Variants in CPS1 observed in about 807,000 individuals in gnomAD.
CPS1 encodes carbamoyl-phosphate synthase 1, also known as carbamoyl-phosphate synthase [ammonia], mitochondrial.
In CPS1, 109 loss-of-function variants were observed where a neutral mutation model predicts 174.6. The ratio of observed to expected loss-of-function variants is 0.62; its 90% CI spans 0.53 to 0.73. CPS1 has a LOEUF of 0.73. CPS1 is among the 30% of genes least tolerant of loss of function. The pLI is 0.00. For synonymous variants in CPS1, 637 were observed against 632.0 expected (o/e 1.01, Z -0.12); for missense variants, 1,689 against 1,821.9 (o/e 0.93, Z 1.33).
intron 1 of CPS1, among the ~76,000 whole-genome samples, chr2:210,518,886 C>T (rs1371636075): frequency 6.6e-6 from 1 of 151,984 alleles, no homozygotes; most frequent in East Asian, 1.9e-4. Context: ...TTACCAAATT[C>T]AGCTCATTAT....
Position 210,678,489 on chromosome 2 carries a change from A to T in CPS1, c.*504A>T, listed in dbSNP as rs1259740792. On this transcript the variant is annotated 3_prime_UTR_variant, in exon 38 of 38. Coordinates refer to ENST00000233072, the MANE Select transcript of CPS1 (RefSeq NM_001875.5). ...GTGTATTGCTTCTTTTTGGATCCTC[A>T]TTCTCACCCATTTGGCTAATCCAGG... 2 of 172,296 alleles carry T rather than the reference A, an allele frequency of 1.2e-5. No homozygotes were observed. Among genetic ancestry groups the T allele is most frequent in the African/African-American group, 4.8e-5 (2 of 41,592 alleles). 10.7% of individuals were successfully genotyped at this position (172,296 alleles called of 1,614,324 possible). A position where few individuals can be genotyped will look rare whatever the true frequency, so the allele number is the denominator to read the frequency against.
intron 1 of CPS1, among the ~76,000 whole-genome samples, chr2:210,497,474 G>T (rs1695019295): frequency 6.6e-6 from 1 of 151,974 alleles, no homozygotes; most frequent in African/African-American, 2.4e-5. Context: ...CGAGGTTTGG[G>T]ATACAAATGA....
At chr2:210,601,171 A>G (rs1473439132) in intron 15 of CPS1, among the ~76,000 whole-genome samples, 21 of 151,946 alleles carry the variant, frequency 1.4e-4, no homozygotes, top group Admixed American at 1.4e-3. Flanking sequence ...GAAAACCTGT[A>G]GTTTAGATAT....
At chr2:210,648,844 A>T (rs897891651) in intron 27 of CPS1, among the ~76,000 whole-genome samples, 2 of 152,188 alleles carry the variant, frequency 1.3e-5, no homozygotes, top group African/African-American at 2.4e-5. Flanking sequence ...AAGACACACA[A>T]ATTGAGGTAT....
At chr2:210,580,858 CA>C (rs369186272) in intron 5 of CPS1, among the ~76,000 whole-genome samples, 3,047 of 95,244 alleles carry the variant, frequency 0.032, 72 homozygotes, top group African/African-American at 0.091. Flanking sequence ...GACCCTGTCT[CA>C]AAAAAAAAAA....
At position 210,606,839 on chromosome 2, in the gene CPS1, G is replaced by A; in HGVS notation, c.2090G>A (p.Cys697Tyr). Residue 697 changes from cysteine (C) to tyrosine (Y), a missense_variant, in exon 18 of 38, where the codon TGC becomes TAC. By Grantham distance (194) the Cys-to-Tyr change is radical (BLOSUM62 -2). Transcript: ENST00000233072. Reference protein sequence around the residue: ...VVRHLGIVGECNIQFALHPTS... With the variant: ...VVRHLGIVGEYNIQFALHPTS... The stretch of plus-strand genomic sequence containing the variant: ...CGCCACTTGGGCATTGTGGGTGAAT[G>A]CAACATTCAGTTTGCCCTTCATCCT... 2 of 1,612,630 alleles carry A rather than the reference G, an allele frequency of 1.2e-6. No homozygotes were observed. The highest frequency in any genetic ancestry group is 2.2e-5 in the East Asian group (1 of 44,800).
At chr2:210,480,404 AC>A (rs2105939411) in intron 1 of CPS1, among the ~76,000 whole-genome samples, 1 of 152,342 alleles carries the variant, frequency 6.6e-6, no homozygotes, top group Non-Finnish European at 1.5e-5. Context: ...ACTTTGGTGG[AC>A]AGTTAATGTC....
Position 210,634,669 on chromosome 2 carries a change from A to G in CPS1, c.2688-3033A>G, listed in dbSNP as rs558505554. Among the ~76,000 whole-genome samples, 240 of 152,260 alleles carry G rather than the reference A, an allele frequency of 1.6e-3. 1 individual carries two copies. The highest frequency in any genetic ancestry group is 5.2e-3 in the African/African-American group (216 of 41,540). On this transcript the variant is annotated intron_variant, in intron 21 of 37. Coordinates refer to ENST00000233072, the MANE Select transcript of CPS1 (RefSeq NM_001875.5). ...GCACCTCTCATGATGTAGACATATC[A>G]TTGGCTATTTGTGCTTCCTAACATA...
At chr2:210,656,667 G>A in intron 30 of CPS1, 35 bp downstream of exon 30, 4 of 1,454,814 alleles carry the variant, frequency 2.7e-6, no homozygotes, top group Non-Finnish European at 2.9e-6. Flanking sequence ...AAGGGAAAAG[G>A]CAACACTCAG....
At chr2:210,595,462 AGT>A in intron 12 of CPS1, 23 bp from the exon 13 acceptor site, 2 of 1,497,928 alleles carry the variant, frequency 1.3e-6, no homozygotes, top group Non-Finnish European at 1.9e-6. Context: ...CAGTAATAAC[AGT>A]GTCTTTTTCT....
Position 210,642,529 on chromosome 2 carries a change from C to A in CPS1, c.3005C>A (p.Thr1002Lys). The A allele has an allele frequency of 6.2e-7, 1 of 1,613,974 alleles. No homozygotes were observed. Among genetic ancestry groups the A allele is most frequent in the Non-Finnish European group, 8.5e-7 (1 of 1,179,890 alleles). ...FDWCAVSSIR[T>K]LRQLGKKTVV... ...TGGTGTGCTGTCTCTAGTATCCGCA[C>A]ACTGCGTCAACTTGGCAAGAAGACG... is the stretch of plus-strand genomic sequence containing the variant. The change falls in exon 25 of 38, where the codon ACA becomes AAA. Residue 1002 changes from threonine (T) to lysine (K), a missense_variant. Thr to Lys is a moderately conservative substitution (Grantham distance 78, BLOSUM62 -1). Coordinates refer to ENST00000233072, the MANE Select transcript of CPS1 (RefSeq NM_001875.5).
In CPS1 at chr2:210,582,652, G is replaced by T; in HGVS notation, c.564G>T (p.Gln188His). ...TTGGGAAGATTGAATTTGAAGGTCA[G>T]CCTGTGGATTTTGTGGATCCAAATA... is the stretch of plus-strand genomic sequence containing the variant. Reference protein sequence around the residue: ...TMLGKIEFEGQPVDFVDPNKQ... With the variant: ...TMLGKIEFEGHPVDFVDPNKQ... The change falls in exon 6 of 38, where the codon CAG becomes CAT. Residue 188 changes from glutamine to histidine, a missense_variant. Transcript: ENST00000233072. The T allele has an allele frequency of 6.2e-7, 1 of 1,613,420 alleles. No individual in the cohort carries two copies. The highest frequency in any genetic ancestry group is 8.5e-7 in the Non-Finnish European group (1 of 1,179,574).
intron 33 of CPS1, among the ~76,000 whole-genome samples, chr2:210,665,472 C>T (rs369621188): frequency 7.9e-6 from 1 of 127,110 alleles, no homozygotes; most frequent in African/African-American, 2.9e-5. Flanking sequence ...CTATCCCTCC[C>T]CCCTCCCCCC....
At chr2:210,479,240 C>T (rs1694495155) in intron 1 of CPS1, among the ~76,000 whole-genome samples, 1 of 152,040 alleles carries the variant, frequency 6.6e-6, no homozygotes. Context: ...ACATGGTTGT[C>T]CCTCAGTCTG....
intron 23 of CPS1, among the ~76,000 whole-genome samples, chr2:210,639,618 CAAAAAAA>C (rs397987630): frequency 1.2e-4 from 4 of 32,058 alleles, no homozygotes; most frequent in African/African-American, 1.8e-4. Flanking sequence ...GACTCCGTCT[CAAAAAAA>C]AAAAAAAAAA....
At chr2:210,658,324 G>A (rs534833281) in intron 30 of CPS1, 31 of 387,396 alleles carry the variant, frequency 8.0e-5, no homozygotes, top group African/African-American at 6.2e-4. Flanking sequence ...TGTAAAACCA[G>A]GTTATATAAT....
intron 1 of CPS1, among the ~76,000 whole-genome samples, chr2:210,496,607 G>A (rs1246775393): frequency 2.0e-5 from 3 of 152,162 alleles, no homozygotes; most frequent in African/African-American, 4.8e-5. Context: ...CTCAGCATGA[G>A]ATGAGAAGGC....
chr2:210,647,732 A>T, intron 25 of CPS1, 131 bp from the exon 26 acceptor site: 1 of 1,175,848 alleles, frequency 8.5e-7, no homozygotes. Context: ...AACAGTATTC[A>T]TTGGTAGGAG....
intron 25 of CPS1, among the ~76,000 whole-genome samples, chr2:210,645,171 T>A (rs141875203): frequency 2.0e-5 from 3 of 152,252 alleles, no homozygotes; most frequent in Non-Finnish European, 4.4e-5. Context: ...GTTCTCATAC[T>A]GAATTCCTTT....
Sources: allele counts gnomAD v4.1 joint callset (sites outside exome capture counted in the v4.1 genomes callset), GRCh38; gene constraint gnomAD v4.1.1; transcripts MANE v1.5; gene names NCBI Gene and HGNC (gene_info 2026-07-23, HGNC 2026-07-21).